Variants in SLC24A3 observed in about 807,000 individuals in gnomAD.
SLC24A3 encodes the protein solute carrier family 24 member 3.
In SLC24A3, 28 loss-of-function variants were observed where a neutral mutation model predicts 75.8. The observed-to-expected ratio is 0.37, with a 90% CI of 0.27 to 0.51. The LOEUF (loss-of-function observed/expected upper bound fraction) is 0.51, where lower values mean the gene tolerates loss of function less well. SLC24A3 is among the 20% of genes least tolerant of loss of function. The pLI is 0.94. For missense variants in SLC24A3, 663 were observed against 847.8 expected, an observed-to-expected ratio of 0.78 and a Z score of 2.71; for synonymous variants, 372 against 334.1, an observed-to-expected ratio of 1.11 and a Z score of -1.24.
intron 3 of SLC24A3, among the ~76,000 whole-genome samples, chr20:19,562,517 A>T (rs1427672545): frequency 6.6e-6 from 1 of 152,192 alleles, no homozygotes; most frequent in Non-Finnish European, 1.5e-5. Flanking sequence ...CTAACAAGAG[A>T]GGTTTTGAAC....
chr20:19,516,652 G>A (rs1432285463), intron 3 of SLC24A3, among the ~76,000 whole-genome samples: 1 of 152,240 alleles, frequency 6.6e-6, no homozygotes, highest in Non-Finnish European at 1.5e-5. Context: ...CTACTGAGAA[G>A]AGCACCTACA....
intron 3 of SLC24A3, among the ~76,000 whole-genome samples, chr20:19,552,333 C>T (rs2030710733): frequency 6.6e-6 from 1 of 152,178 alleles, no homozygotes; most frequent in South Asian, 2.1e-4. Flanking sequence ...GCAAGCAAAG[C>T]TCCTCCCTCT....
intron 1 of SLC24A3, among the ~76,000 whole-genome samples, chr20:19,240,503 A>G (rs1982299842): frequency 6.6e-6 from 1 of 152,234 alleles, no homozygotes. Flanking sequence ...ATGTGCAGAC[A>G]GGCTCAGGAA....
intron 15 of SLC24A3, among the ~76,000 whole-genome samples, chr20:19,715,365 C>A (rs6112532): frequency 0.054 from 8,202 of 152,236 alleles, 276 homozygotes; most frequent in Middle Eastern, 0.11. Context: ...AGCTGGACTG[C>A]GACGGGGCCG....
intron 2 of SLC24A3, among the ~76,000 whole-genome samples, chr20:19,409,795 A>G (rs1181661711): frequency 5.3e-5 from 8 of 151,974 alleles, no homozygotes; most frequent in African/African-American, 1.9e-4. Context: ...ACACAGTTAT[A>G]TAACTGTGCT....
At chr20:19,369,161 A>G (rs941223566) in intron 2 of SLC24A3, among the ~76,000 whole-genome samples, 1 of 152,352 alleles carries the variant, frequency 6.6e-6, no homozygotes, top group East Asian at 1.9e-4. Context: ...TATAAATTGT[A>G]AAGGAAAAAG....
At chr20:19,480,964 G>A (rs1988042623) in intron 2 of SLC24A3, among the ~76,000 whole-genome samples, 1 of 152,014 alleles carries the variant, frequency 6.6e-6, no homozygotes, top group South Asian at 2.1e-4. Context: ...AAATACTTTG[G>A]GTTCTTGACA....
At chr20:19,472,506 G>T (rs957886557) in intron 2 of SLC24A3, among the ~76,000 whole-genome samples, 2 of 152,172 alleles carry the variant, frequency 1.3e-5, no homozygotes, top group African/African-American at 4.8e-5. Context: ...ACACATGTGG[G>T]GAAGGAAACC....
chr20:19,617,210 G>C, intron 6 of SLC24A3, among the ~76,000 whole-genome samples: 1 of 152,270 alleles, frequency 6.6e-6, no homozygotes, highest in East Asian at 1.9e-4. Context: ...CTGGACTCTC[G>C]AGTCTGATGA....
At chr20:19,648,004 G>T (rs1217404107) in intron 6 of SLC24A3, among the ~76,000 whole-genome samples, 2 of 152,158 alleles carry the variant, frequency 1.3e-5, no homozygotes, top group South Asian at 2.1e-4. Context: ...TTGCAAAAGC[G>T]TGTAATTGTC....
At chr20:19,322,175 C>A (rs185090858) in intron 2 of SLC24A3, among the ~76,000 whole-genome samples, 1 of 152,212 alleles carries the variant, frequency 6.6e-6, no homozygotes, top group Admixed American at 6.5e-5. Context: ...TCTCAACAAC[C>A]TTTCCCTCTG....
At chr20:19,378,913 A>G (rs34921158) in intron 2 of SLC24A3, among the ~76,000 whole-genome samples, 18,147 of 151,804 alleles carry the variant, frequency 0.12, 1,599 homozygotes, top group East Asian at 0.34. Context: ...AGCTCAAAAA[A>G]AAAAAAAAGG....
intron 6 of SLC24A3, among the ~76,000 whole-genome samples, chr20:19,603,429 C>G (rs1355831981): frequency 2.0e-5 from 3 of 152,126 alleles, no homozygotes; most frequent in Non-Finnish European, 4.4e-5. Flanking sequence ...ATGGATGTTT[C>G]TGAGGTTGTT....
In SLC24A3 at chr20:19,681,981, A is replaced by G. The variant is rs1183097575; in HGVS notation, c.891A>G (p.Leu297=). 4 of 1,613,906 alleles carry G rather than the reference A, an allele frequency of 2.5e-6. No individual in the cohort carries two copies. Among genetic ancestry groups the G allele is most frequent in the South Asian group, 1.1e-5 (1 of 91,076 alleles). ...DSSNCDATVV[L]LKKANFHRKA... ...GCAACTGCGACGCAACTGTGGTGCT[A>G]CTTAAGAAAGGTAACCAAGGAGAGC... The change falls in exon 10 of 17, where the codon CTA becomes CTG. Residue 297 remains leucine, a synonymous_variant. Transcript: ENST00000328041.
chr20:19,415,536 T>C (rs1428993158), intron 2 of SLC24A3, among the ~76,000 whole-genome samples: 1 of 152,040 alleles, frequency 6.6e-6, no homozygotes, highest in African/African-American at 2.4e-5. Flanking sequence ...TTCCACTGTT[T>C]AAAAAAAGTG....
At chr20:19,442,515 G>GAC (rs1469474346) in intron 2 of SLC24A3, among the ~76,000 whole-genome samples, 1 of 152,136 alleles carries the variant, frequency 6.6e-6, no homozygotes, top group African/African-American at 2.4e-5. Flanking sequence ...TTCTTTGTCA[G>GAC]AGTGTCTGTT....
At chr20:19,301,735 G>A (rs1044637381) in intron 2 of SLC24A3, among the ~76,000 whole-genome samples, 1 of 152,008 alleles carries the variant, frequency 6.6e-6, no homozygotes, top group Non-Finnish European at 1.5e-5. Flanking sequence ...ATGTGACATG[G>A]TTTGATGACC....
At chr20:19,405,136 T>A (rs1986620423) in intron 2 of SLC24A3, among the ~76,000 whole-genome samples, 1 of 152,134 alleles carries the variant, frequency 6.6e-6, no homozygotes, top group Non-Finnish European at 1.5e-5. Flanking sequence ...AATCCCCAGC[T>A]TCTCTGGAAT....
intron 6 of SLC24A3, among the ~76,000 whole-genome samples, chr20:19,598,907 C>T (rs201995467): frequency 5.7e-4 from 35 of 61,708 alleles, no homozygotes; most frequent in Admixed American, 2.9e-3. Flanking sequence ...TATGTATATA[C>T]ACACACACAC....
Sources: allele counts gnomAD v4.1 joint callset (sites outside exome capture counted in the v4.1 genomes callset), GRCh38; gene constraint gnomAD v4.1.1; transcripts MANE v1.5; gene names NCBI Gene and HGNC (gene_info 2026-07-23, HGNC 2026-07-21).